The following TJP1 variants were observed in gnomAD, a reference collection of about 807,000 sequenced individuals.
The protein encoded by TJP1 is tight junction protein ZO-1.
TJP1 carries 43 observed loss-of-function variants against 194.2 expected under a neutral mutation model. The observed-to-expected ratio is 0.22, with a 90% CI of 0.17 to 0.29. The LOEUF is 0.29. Among genes scored for constraint, TJP1 ranks in the 10% least tolerant of loss-of-function variants. The pLI, the probability that TJP1 is intolerant of heterozygous loss-of-function variation, is 1.00. For missense variants in TJP1, 1,971 were observed against 2,185.7 expected (o/e 0.90, Z 1.96); for synonymous variants, 801 against 779.0 (o/e 1.03, Z -0.47).
intron 1 of TJP1, among the ~76,000 whole-genome samples, chr15:29,819,267 T>A (rs1262172958): frequency 6.6e-6 from 1 of 152,244 alleles, no homozygotes; most frequent in African/African-American, 2.4e-5. Context: ...GCACCATACA[T>A]TGAACAAGCC....
At chr15:29,828,440 T>C (rs925388882) in intron 2 of TJP1, among the ~76,000 whole-genome samples, 2 of 152,106 alleles carry the variant, frequency 1.3e-5, no homozygotes, top group African/African-American at 4.8e-5. Flanking sequence ...TGTATAAGTA[T>C]TTCTCTAGGA....
intron 1 of TJP1, among the ~76,000 whole-genome samples, chr15:29,965,268 G>A (rs1222356638): frequency 6.6e-6 from 1 of 151,850 alleles, no homozygotes; most frequent in Non-Finnish European, 1.5e-5. Context: ...GGAGTGCAAT[G>A]GTACAATCTC....
intron 23 of TJP1, among the ~76,000 whole-genome samples, chr15:29,714,018 AAAG>A (rs2042397706): frequency 1.3e-5 from 2 of 152,268 alleles, no homozygotes; most frequent in African/African-American, 2.4e-5. Flanking sequence ...GTGTTAATGA[AAAG>A]AAGGGTGGTG....
At chr15:29,854,508 A>G (rs1448976604) in intron 2 of TJP1, among the ~76,000 whole-genome samples, 1 of 152,156 alleles carries the variant, frequency 6.6e-6, no homozygotes, top group African/African-American at 2.4e-5. Flanking sequence ...TTAGAGAGAT[A>G]TGACCACACG....
In TJP1 at chr15:29,761,239, G is replaced by T. The variant is rs1316897614; in HGVS notation, c.910C>A (p.His304Asn). The T allele has an allele frequency of 2.5e-6, 4 of 1,614,090 alleles. No homozygotes were observed. The highest frequency in any genetic ancestry group is 3.4e-6 in the Non-Finnish European group (4 of 1,180,006). ...CGGCTGCGGCGGGGAGGCCTATCGT[G>T]TGATCGACCAGAATGATCTGATGCC... ...SLASDHSGRS[H>N]DRPPRRSRSR... Residue 304 changes from histidine (H) to asparagine (N), a missense_variant, in exon 8 of 28, where the codon CAC becomes AAC. This residue lies in a region of TJP1 where 192 missense variants were observed against 182.3 expected (regional missense o/e 1.05). Coordinates refer to ENST00000614355, the MANE Select transcript of TJP1 (RefSeq NM_001330239.4).
At chr15:29,797,554 T>G (rs1016122523) in intron 2 of TJP1, among the ~76,000 whole-genome samples, 4 of 146,724 alleles carry the variant, frequency 2.7e-5, no homozygotes, top group Non-Finnish European at 4.5e-5. Context: ...AAATAATACC[T>G]GATAAAGAAT....
intron 2 of TJP1, among the ~76,000 whole-genome samples, chr15:29,795,242 G>A (rs965291382): frequency 6.6e-6 from 1 of 151,996 alleles, no homozygotes; most frequent in East Asian, 1.9e-4. Context: ...CAGCCAACCT[G>A]GTGAAACACC....
chr15:29,746,021 G>C (rs969357066), intron 8 of TJP1, among the ~76,000 whole-genome samples: 2 of 152,194 alleles, frequency 1.3e-5, no homozygotes, highest in African/African-American at 4.8e-5. Flanking sequence ...TAATAAGCAT[G>C]CATTGTTTGT....
intron 11 of TJP1, among the ~76,000 whole-genome samples, chr15:29,735,157 C>T (rs749564051): frequency 2.6e-5 from 4 of 150,992 alleles, no homozygotes; most frequent in Non-Finnish European, 5.9e-5. Flanking sequence ...TGACTGTGTG[C>T]AGGATTACAG....
chr15:29,901,570 C>T (rs1395155315), intron 2 of TJP1, among the ~76,000 whole-genome samples: 3 of 152,086 alleles, frequency 2.0e-5, no homozygotes, highest in Admixed American at 6.6e-5. Context: ...ACCTGTAATC[C>T]CAACACTTTG....
intron 1 of TJP1, chr15:29,820,740 G>T (rs1287258501): frequency 3.4e-6 from 2 of 590,610 alleles, no homozygotes; most frequent in South Asian, 2.2e-5. Flanking sequence ...GCAAAATGTT[G>T]CCTTTTATCC....
intron 2 of TJP1, among the ~76,000 whole-genome samples, chr15:29,917,007 C>A (rs1473556685): frequency 6.6e-6 from 1 of 152,096 alleles, no homozygotes; most frequent in Non-Finnish European, 1.5e-5. Flanking sequence ...TTTTTCAACC[C>A]CTTTAGAGAA....
chr15:29,895,999 C>A (rs1420918871), intron 2 of TJP1, among the ~76,000 whole-genome samples: 1 of 152,266 alleles, frequency 6.6e-6, no homozygotes, highest in East Asian at 1.9e-4. Flanking sequence ...TCTGGGGCCT[C>A]TTCTACAAGT....
At chr15:29,889,551 A>C (rs1256933339) in intron 2 of TJP1, among the ~76,000 whole-genome samples, 1 of 152,266 alleles carries the variant, frequency 6.6e-6, no homozygotes, top group African/African-American at 2.4e-5. Flanking sequence ...CAGTAAACTG[A>C]ATGCTACTTT....
At position 29,920,808 on chromosome 15, in the gene TJP1, C is replaced by T. The variant is rs12593444; in HGVS notation, c.306+35424G>A. On this transcript the variant is annotated intron_variant, in intron 2 of 28. Coordinates refer to the TJP1 transcript ENST00000356107. ...CTGATTCAGGAATTGAGTCATCATT[C>T]GCAACCTGAAGTCAAGGAACATCTT... is the stretch of plus-strand genomic sequence containing the variant. 1.4e-4 allele frequency among the ~76,000 whole-genome samples: 21 copies of T among 152,240 alleles called. No homozygotes were observed. In the East Asian group the frequency reaches 3.7e-3, roughly 27 times the overall value.
intron 2 of TJP1, among the ~76,000 whole-genome samples, chr15:29,883,317 C>A (rs1254969368): frequency 2.0e-5 from 3 of 152,158 alleles, no homozygotes; most frequent in Non-Finnish European, 2.9e-5. Flanking sequence ...CTCAGGGAGC[C>A]TTGTTGACTG....
chr15:29,784,945 A>T (rs958272398), intron 2 of TJP1, among the ~76,000 whole-genome samples: 1 of 152,210 alleles, frequency 6.6e-6, no homozygotes, highest in East Asian at 1.9e-4. Flanking sequence ...AAGTTGACAG[A>T]GGTAGATTAC....
intron 8 of TJP1, among the ~76,000 whole-genome samples, chr15:29,753,547 T>C (rs1185832027): frequency 2.2e-5 from 3 of 136,634 alleles, no homozygotes; most frequent in South Asian, 2.3e-4. Context: ...ACTGATAACA[T>C]ATATGTGACA....
intron 27 of TJP1, among the ~76,000 whole-genome samples, chr15:29,702,179 T>C (rs1566842122): frequency 6.6e-6 from 1 of 151,954 alleles, no homozygotes; most frequent in African/African-American, 2.4e-5. Context: ...TTTCTCACAC[T>C]CAACTATAAA....
Sources: gnomAD v4.1 joint callset for allele counts (sites outside exome capture counted in the v4.1 genomes callset) on GRCh38, gnomAD v4.1.1 for gene constraint, gnomAD v4.1.1 regional missense constraint, MANE v1.5 for transcripts, NCBI Gene and HGNC (gene_info 2026-07-23, HGNC 2026-07-21) for gene names.